The following TELO2 variants were observed in gnomAD, a reference collection of about 807,000 sequenced individuals.
TELO2 encodes the protein telomere maintenance 2.
Under a neutral mutation model 91.0 loss-of-function variants are expected in TELO2, and 71 were observed. The ratio of observed to expected loss-of-function variants is 0.78; its 90% CI spans 0.64 to 0.95. The LOEUF (loss-of-function observed/expected upper bound fraction) is 0.95. Among genes scored for constraint, TELO2 ranks in the 40% least tolerant of loss-of-function variants. The probability of loss-of-function intolerance (pLI) is 0.00; values close to 1 mark genes in which losing one functional copy is unlikely to be tolerated. For synonymous variants in TELO2, 584 were observed against 518.9 expected (o/e 1.13, Z -1.71); for missense variants, 1,183 against 1,141.3 (o/e 1.04, Z -0.53).
chr16:1,497,192 C>A lies in TELO2; in HGVS notation c.682+88C>A. ...CAGAAGGCCGAGAATCCCTCCTGAC[C>A]CTGGCCCTCTGCAGGGTCCCCTTGC... On this transcript the variant is annotated intron_variant, in intron 4 of 20. Coordinates refer to ENST00000262319, the MANE Select transcript of TELO2 (RefSeq NM_016111.4). The surrounding 1 kb of genome is among the most constrained non-coding windows in gnomAD (Gnocchi z 4.0). 6.4e-7 allele frequency: 1 copy of A among 1,564,732 alleles called. No individual in the cohort carries two copies. Among genetic ancestry groups the A allele is most frequent in the South Asian group, 1.1e-5 (1 of 87,482 alleles).
intron 15 of TELO2, among the ~76,000 whole-genome samples, chr16:1,503,220 T>C (rs1055175107): frequency 6.6e-6 from 1 of 152,224 alleles, no homozygotes; most frequent in Admixed American, 6.5e-5. Context: ...TTTACTGATA[T>C]AATTCACACG....
chr16:1,505,635 G>GCCC lies in TELO2; in HGVS notation c.2034+34_2034+35insCCC. The GCCC allele has an allele frequency of 6.4e-7, 1 of 1,573,626 alleles. No homozygotes were observed. Among genetic ancestry groups the GCCC allele is most frequent in the Non-Finnish European group, 8.7e-7 (1 of 1,154,468 alleles). ...CGCCTGGTCAGCTCCTCACGGGCATGGGGACCGTGGGTGGGTGGGAAGGGC... is the reference window on the plus strand; with the variant it reads ...CGCCTGGTCAGCTCCTCACGGGCATGCCCGGGACCGTGGGTGGGTGGGAAGGGC... On this transcript the variant is annotated intron_variant, in intron 16 of 20. Transcript: ENST00000262319. This position sits in a 1 kb window ranked among gnomAD's most constrained non-coding sequence, Gnocchi z 4.3.
intron 3 of TELO2, among the ~76,000 whole-genome samples, chr16:1,496,224 C>G (rs2039488246): frequency 6.6e-6 from 1 of 152,224 alleles, no homozygotes; most frequent in Non-Finnish European, 1.5e-5. Flanking sequence ...CTGCCCCGAC[C>G]TCGTTCTGAA....
Position 1,505,217 on chromosome 16 carries a change from C to T in TELO2, c.1843-193C>T. ...CTCCTGGAGCACGGTGCCCACCTTCCCCACCTTCCCGCCTACCAAGGCGCG... is the reference window on the plus strand; with the variant it reads ...CTCCTGGAGCACGGTGCCCACCTTCTCCACCTTCCCGCCTACCAAGGCGCG... On this transcript the variant is annotated intron_variant, in intron 15 of 20. Coordinates refer to ENST00000262319, the MANE Select transcript of TELO2 (RefSeq NM_016111.4). The surrounding 1 kb of genome is among the most constrained non-coding windows in gnomAD (Gnocchi z 4.3). 1 of 628,658 alleles carries T rather than the reference C, an allele frequency of 1.6e-6. No homozygotes were observed. The highest frequency in any genetic ancestry group is 2.7e-6 in the Non-Finnish European group (1 of 371,320). The allele number at this position is 628,658 out of a possible 1,614,324, so 38.9% of individuals were successfully genotyped here.
chr16:1,504,692 G>C (rs2039825639), intron 15 of TELO2, among the ~76,000 whole-genome samples: 1 of 150,692 alleles, frequency 6.6e-6, no homozygotes, highest in African/African-American at 2.4e-5. Flanking sequence ...CGAGTAGCTG[G>C]GACTACAGGC....
intron 20 of TELO2, among the ~76,000 whole-genome samples, chr16:1,509,610 G>A (rs978809122): frequency 2.1e-4 from 32 of 152,206 alleles, no homozygotes; most frequent in Non-Finnish European, 2.6e-4. Flanking sequence ...TGCCTGTCCC[G>A]CGGCTCAGGG....
At chr16:1,495,667 G>A (rs1388527865) in intron 3 of TELO2, 44 bp downstream of exon 3, 4 of 1,542,508 alleles carry the variant, frequency 2.6e-6, no homozygotes, top group Admixed American at 3.7e-5. Context: ...CCGTCTTCTT[G>A]GGTCCTCGTC....
At position 1,506,265 on chromosome 16, in the gene TELO2, A is replaced by G. The variant is rs1383139767; in HGVS notation, c.2062A>G (p.Ser688Gly). ...TGGCCCGAGGCAGGGCCCGGCAGGC[A>G]GCCCCAGCAGATTCAACTCCGTGGC... ...KGGPRQGPAGSPSRFNSVAGH... is the reference protein window; with the variant it reads ...KGGPRQGPAGGPSRFNSVAGH... Residue 688 changes from serine to glycine, a missense_variant, in exon 17 of 21, where the codon AGC becomes GGC. Ser to Gly is a moderately conservative substitution (Grantham distance 56). Coordinates refer to ENST00000262319, the MANE Select transcript of TELO2 (RefSeq NM_016111.4). 6.2e-7 allele frequency: 1 copy of G among 1,613,606 alleles called. No homozygotes were observed. Among genetic ancestry groups the G allele is most frequent in the East Asian group, 2.2e-5 (1 of 44,898 alleles).
At chr16:1,501,377 C>T (rs1404125029) in intron 9 of TELO2, 43 bp from the exon 10 acceptor site, 1 of 1,591,918 alleles carries the variant, frequency 6.3e-7, no homozygotes, top group Non-Finnish European at 8.5e-7. Flanking sequence ...GGGAGGGGCG[C>T]TGCAGCCTGG....
rs2039417619 is a variant in TELO2, at chr16:1,494,752, A to T, written c.335+136A>T. ...AGCCTGCTCCTGGCTGAACCCCTGA[A>T]CAGAAGAAGCGGTCTGTGTCTGTCT... On this transcript the variant is annotated intron_variant, in intron 2 of 20. Coordinates refer to ENST00000262319, the MANE Select transcript of TELO2 (RefSeq NM_016111.4). This position sits in a 1 kb window ranked among gnomAD's most constrained non-coding sequence, Gnocchi z 5.6. 5.1e-6 allele frequency: 5 copies of T among 983,652 alleles called. No individual in the cohort carries two copies. Among genetic ancestry groups the T allele is most frequent in the Non-Finnish European group, 5.8e-6 (4 of 685,976 alleles). 60.9% of individuals were successfully genotyped at this position (983,652 alleles called of 1,614,324 possible). A position where few individuals can be genotyped will look rare whatever the true frequency, so the allele number is the denominator to read the frequency against.
chr16:1,500,441 T>C lies in TELO2; in HGVS notation c.1097T>C (p.Ile366Thr). ...QQRHVSKAVLICLAQLGEPEL... is the reference protein window; with the variant it reads ...QQRHVSKAVLTCLAQLGEPEL... The stretch of plus-strand genomic sequence containing the variant: ...CGCCACGTCAGCAAGGCTGTCCTCA[T>C]CTGCCTGGCGCAACTCGGGGAGCCG... Residue 366 changes from isoleucine (I) to threonine (T), a missense_variant, in exon 8 of 21, where the codon ATC becomes ACC. Coordinates refer to ENST00000262319, the MANE Select transcript of TELO2 (RefSeq NM_016111.4). 1 of 1,609,774 alleles carries C rather than the reference T, an allele frequency of 6.2e-7. No individual in the cohort carries two copies. The highest frequency in any genetic ancestry group is 2.2e-5 in the East Asian group (1 of 44,712).
Position 1,510,242 on chromosome 16 carries a change from A to G in TELO2, c.*306A>G. On this transcript the variant is annotated 3_prime_UTR_variant, in exon 21 of 21. Transcript: ENST00000262319. ...AGAACCAGGCTGGCAGGAGGGGAGG[A>G]CGGTGTACCTGCTGCTCAGAGCCCC... The G allele has an allele frequency of 2.5e-6, 1 of 406,442 alleles. No homozygotes were observed. The highest frequency in any genetic ancestry group is 4.6e-6 in the Non-Finnish European group (1 of 216,694). 25.2% of individuals were successfully genotyped at this position (406,442 alleles called of 1,614,324 possible). A position where few individuals can be genotyped will look rare whatever the true frequency, so the allele number is the denominator to read the frequency against.
intron 8 of TELO2, 26 bp downstream of exon 8, chr16:1,500,514 C>G (rs201764288): frequency 1.9e-6 from 3 of 1,609,242 alleles, no homozygotes; most frequent in Admixed American, 3.4e-5. Flanking sequence ...GGGCTCCCCC[C>G]GGCCTCGGGC....
chr16:1,496,043 C>T (rs1388912519), intron 3 of TELO2, among the ~76,000 whole-genome samples: 1 of 152,244 alleles, frequency 6.6e-6, no homozygotes, highest in Non-Finnish European at 1.5e-5. Flanking sequence ...GCGGCTGCCG[C>T]GAGTGTGCGT....
At chr16:1,509,005 C>T (rs566141252) in intron 20 of TELO2, among the ~76,000 whole-genome samples, 55 of 152,128 alleles carry the variant, frequency 3.6e-4, no homozygotes, top group African/African-American at 1.3e-3. Flanking sequence ...AGCATGCTGT[C>T]GCCCACTCGC....
chr16:1,495,372 C>T lies in TELO2; in HGVS notation c.362C>T (p.Ala121Val), dbSNP rs781593894. 12 of 1,559,412 alleles carry T rather than the reference C, an allele frequency of 7.7e-6. No individual in the cohort carries two copies. Among genetic ancestry groups the T allele is most frequent in the African/African-American group, 4.1e-5 (3 of 73,514 alleles). ...AGPSFRLMKM[A>V]RLLARFLREG... ...CCCAGCTTCCGGCTGATGAAGATGG[C>T]GCGGCTGCTGGCCAGATTCCTGCGC... Residue 121 changes from alanine to valine, a missense_variant, in exon 3 of 21, where the codon GCG becomes GTG. Transcript: ENST00000262319.
intron 3 of TELO2, 116 bp downstream of exon 3, chr16:1,495,739 C>A (rs950221408): frequency 2.1e-6 from 3 of 1,397,552 alleles, no homozygotes; most frequent in Non-Finnish European, 2.9e-6. Flanking sequence ...TTGATGCCGT[C>A]AGGCAGGTGG....
At chr16:1,498,544 C>T (rs2039571452) in intron 5 of TELO2, among the ~76,000 whole-genome samples, 2 of 152,044 alleles carry the variant, frequency 1.3e-5, no homozygotes, top group South Asian at 4.2e-4. Flanking sequence ...CTCCAGCGAT[C>T]TTCCCACCTC....
rs114156174 is a variant in TELO2, at chr16:1,501,317, G to A, written c.1282-103G>A. The A allele has an allele frequency of 1.7e-3, 2,128 of 1,252,748 alleles. 41 individuals carry two copies. In the African/African-American group the frequency reaches 0.028, roughly 16 times the overall value. 77.6% of individuals were successfully genotyped at this position (1,252,748 alleles called of 1,614,324 possible). On this transcript the variant is annotated intron_variant, in intron 9 of 20. Coordinates refer to ENST00000262319, the MANE Select transcript of TELO2 (RefSeq NM_016111.4). ...CAGGGCCCAGCCACTGAGTGAGACC[G>A]GGCTGCGAGGGAGGCCACAGTGGGG...
Sources: gnomAD v4.1 joint callset for allele counts (sites outside exome capture counted in the v4.1 genomes callset) on GRCh38, gnomAD v4.1.1 for gene constraint, Gnocchi (gnomAD v3.1) non-coding constraint, MANE v1.5 for transcripts, NCBI Gene and HGNC (gene_info 2026-07-23, HGNC 2026-07-21) for gene names.